The following TRAT1 variants were observed in gnomAD, a reference collection of about 807,000 sequenced individuals.
The protein encoded by TRAT1 is T cell receptor associated transmembrane adaptor 1, also known as T-cell receptor-associated transmembrane adapter 1.
A neutral mutation model predicts 20.0 loss-of-function variants in TRAT1; 20 were observed. That is an observed-to-expected ratio of 1.00 (90% CI 0.70 to 1.45). The LOEUF is 1.45. Among genes scored for constraint, TRAT1 ranks in the 40% most tolerant of loss-of-function variants. TRAT1 has a pLI of 0.00. For missense variants in TRAT1, 237 were observed against 224.1 expected, an observed-to-expected ratio of 1.06 and a Z score of -0.37; for synonymous variants, 77 against 74.2, an observed-to-expected ratio of 1.04 and a Z score of -0.20.
chr3:108,853,520 C>G, intron 5 of TRAT1, 100 bp from the exon 6 acceptor site: 1 of 1,429,928 alleles, frequency 7.0e-7, no homozygotes, highest in Non-Finnish European at 9.5e-7. Context: ...TAGGTGAGGC[C>G]TAGAAAACAA....
chr3:108,827,971 T>C lies in TRAT1; in HGVS notation c.8-2699T>C, dbSNP rs141906713. Among the ~76,000 whole-genome samples, 70 of 152,330 alleles carry C rather than the reference T, an allele frequency of 4.6e-4. No individual in the cohort carries two copies. In the Middle Eastern group the frequency reaches 0.017, roughly 37 times the overall value. Reference sequence around the variant, plus strand: ...AGCTGAGAGTCAAATTGTCTTCTTATAGCAATTAATGGACTAACACAACTA... The same window carrying C: ...AGCTGAGAGTCAAATTGTCTTCTTACAGCAATTAATGGACTAACACAACTA... On this transcript the variant is annotated intron_variant, in intron 1 of 5. Coordinates refer to ENST00000295756, the MANE Select transcript of TRAT1 (RefSeq NM_016388.4).
intron 5 of TRAT1, among the ~76,000 whole-genome samples, chr3:108,852,081 A>G (rs899207938): frequency 6.6e-6 from 1 of 151,840 alleles, no homozygotes; most frequent in African/African-American, 2.4e-5. Flanking sequence ...AACAACAACA[A>G]CAACAACAAA....
At position 108,849,258 on chromosome 3, in the gene TRAT1, A is replaced by C. The variant is rs1462810801; in HGVS notation, c.303+4A>C. On this transcript the variant is annotated splice_donor_region_variant and intron_variant, in intron 5 of 5. Coordinates refer to ENST00000295756, the MANE Select transcript of TRAT1 (RefSeq NM_016388.4). ...GGAAGCCACCCCATCTGCACAGGTG[A>C]GTTTTGTTTTCTGTTTCCACATTTG... is the stretch of plus-strand genomic sequence containing the variant. 6.2e-7 allele frequency: 1 copy of C among 1,612,330 alleles called. No homozygotes were observed. The highest frequency in any genetic ancestry group is 8.5e-7 in the Non-Finnish European group (1 of 1,178,874).
intron 2 of TRAT1, among the ~76,000 whole-genome samples, chr3:108,836,632 A>G (rs1338740769): frequency 6.6e-6 from 1 of 152,212 alleles, no homozygotes; most frequent in African/African-American, 2.4e-5. Flanking sequence ...TTGTTATATA[A>G]TATGTATTTA....
At chr3:108,849,057 T>A in intron 4 of TRAT1, 109 bp from the exon 5 acceptor site, 1 of 921,512 alleles carries the variant, frequency 1.1e-6, no homozygotes, top group Non-Finnish European at 1.7e-6. Context: ...GTTAAGTAAT[T>A]CTTGGGCAGT....
chr3:108,842,280 C>T (rs1330104664), intron 3 of TRAT1, among the ~76,000 whole-genome samples: 2 of 152,126 alleles, frequency 1.3e-5, no homozygotes, highest in East Asian at 1.9e-4. Context: ...TTCTACTTTC[C>T]GGTGATTTCT....
At chr3:108,824,954 T>C (rs770461593) in intron 1 of TRAT1, among the ~76,000 whole-genome samples, 5 of 152,302 alleles carry the variant, frequency 3.3e-5, no homozygotes, top group Non-Finnish European at 7.4e-5. Context: ...CATCGCATTT[T>C]GTAGTTCAGA....
In TRAT1 at chr3:108,848,188, G is replaced by A. The variant is rs561317007; in HGVS notation, c.215-978G>A. On this transcript the variant is annotated intron_variant, in intron 4 of 5. Transcript: ENST00000295756. The stretch of plus-strand genomic sequence containing the variant: ...CCATACTTAAGTGAGCCCAGGTGCC[G>A]CTTGCACACATTCTGATTTAGCAGG... Among the ~76,000 whole-genome samples the A allele has an allele frequency of 5.3e-5, 8 of 152,178 alleles. 1 individual carries two copies. The South Asian group carries it at 1.7e-3, about 32-fold the overall frequency.
At chr3:108,838,727 C>A (rs1207529191) in intron 2 of TRAT1, among the ~76,000 whole-genome samples, 2 of 152,148 alleles carry the variant, frequency 1.3e-5, no homozygotes, top group African/African-American at 4.8e-5. Flanking sequence ...TCATATAAAT[C>A]TTTCTTTCTT....
chr3:108,846,260 C>T lies in TRAT1; in HGVS notation c.153-808C>T, dbSNP rs534658524. Among the ~76,000 whole-genome samples, 6 of 152,280 alleles carry T rather than the reference C, an allele frequency of 3.9e-5. No homozygotes were observed. The East Asian group carries it at 9.6e-4, about 24-fold the overall frequency. ...TGCACAATAGGGATAAAATATGCATCTCATATGATTGTCCTGAGGGTTGAA... is the reference window on the plus strand; with the variant it reads ...TGCACAATAGGGATAAAATATGCATTTCATATGATTGTCCTGAGGGTTGAA... On this transcript the variant is annotated intron_variant, in intron 3 of 5. Transcript: ENST00000295756.
At chr3:108,827,684 A>T (rs1945754379) in intron 1 of TRAT1, among the ~76,000 whole-genome samples, 1 of 152,106 alleles carries the variant, frequency 6.6e-6, no homozygotes, top group Non-Finnish European at 1.5e-5. Context: ...GAAACCAGAG[A>T]CCATGTGAAA....
intron 3 of TRAT1, among the ~76,000 whole-genome samples, chr3:108,844,616 G>A (rs919727862): frequency 7.9e-5 from 12 of 151,534 alleles, no homozygotes; most frequent in Admixed American, 2.6e-4. Context: ...AGGCCGAGGC[G>A]GGCAGATAAT....
chr3:108,838,722 T>A (rs943875415), intron 2 of TRAT1, among the ~76,000 whole-genome samples: 1 of 152,182 alleles, frequency 6.6e-6, no homozygotes, highest in Non-Finnish European at 1.5e-5. Context: ...TCAAGTCATA[T>A]AAATCTTTCT....
intron 5 of TRAT1, among the ~76,000 whole-genome samples, chr3:108,852,118 C>T (rs890478123): frequency 4.6e-5 from 7 of 152,194 alleles, no homozygotes; most frequent in Non-Finnish European, 8.8e-5. Context: ...TGGTGGCTCA[C>T]GCCTATAATC....
At chr3:108,841,010 C>T (rs548386605) in intron 3 of TRAT1, among the ~76,000 whole-genome samples, 1 of 152,242 alleles carries the variant, frequency 6.6e-6, no homozygotes, top group Non-Finnish European at 1.5e-5. Context: ...TGAAGGATAT[C>T]CTGTTTCTGT....
intron 2 of TRAT1, among the ~76,000 whole-genome samples, chr3:108,834,211 A>G (rs1018785656): frequency 6.6e-6 from 1 of 152,192 alleles, no homozygotes; most frequent in Admixed American, 6.6e-5. Flanking sequence ...GATTCTAAAC[A>G]TTAGCTTATC....
At position 108,853,713 on chromosome 3, in the gene TRAT1, G is replaced by A. The variant is rs1345820218; in HGVS notation, c.397G>A (p.Asp133Asn). 1.9e-6 allele frequency: 3 copies of A among 1,614,026 alleles called. No homozygotes were observed. ...CAGGAAACAGAATACTCATTTCTCA[G>A]ACAAGGATGGAGATGAGCAACTACA... ...KPRKQNTHFS[D>N]KDGDEQLHAI... Residue 133 changes from aspartate (D) to asparagine (N), a missense_variant, in exon 6 of 6, where the codon GAC becomes AAC. Physicochemically the swap from Asp to Asn is conservative, Grantham distance 23. Transcript: ENST00000295756.
intron 5 of TRAT1, among the ~76,000 whole-genome samples, chr3:108,851,027 A>G (rs1407456659): frequency 6.6e-6 from 1 of 152,144 alleles, no homozygotes; most frequent in Admixed American, 6.5e-5. Flanking sequence ...CTATTATACT[A>G]TTCTCATAAA....
At chr3:108,833,303 A>AG (rs1678247753) in intron 2 of TRAT1, among the ~76,000 whole-genome samples, 1 of 152,208 alleles carries the variant, frequency 6.6e-6, no homozygotes, top group African/African-American at 2.4e-5. Context: ...CTGTAATCCC[A>AG]GCTACTCGGG....
Sources: allele counts gnomAD v4.1 joint callset (sites outside exome capture counted in the v4.1 genomes callset), GRCh38; gene constraint gnomAD v4.1.1; transcripts MANE v1.5; gene names NCBI Gene and HGNC (gene_info 2026-07-23, HGNC 2026-07-21).